Variants in SHISA6 observed in about 807,000 individuals in gnomAD.
The protein encoded by SHISA6 is protein shisa-6.
In SHISA6, 22 loss-of-function variants were observed where a neutral mutation model predicts 47.9. That is an observed-to-expected ratio of 0.46 (90% CI 0.33 to 0.66). The LOEUF is 0.66. Among genes scored for constraint, SHISA6 ranks in the 30% least tolerant of loss-of-function variants. The pLI, the probability that SHISA6 is intolerant of heterozygous loss-of-function variation, is 0.02. For synonymous variants in SHISA6, 388 were observed against 337.8 expected (o/e 1.15, Z -1.63); for missense variants, 680 against 764.6 (o/e 0.89, Z 1.30).
chr17:11,279,172 G>C (rs577545991), intron 2 of SHISA6, among the ~76,000 whole-genome samples: 1 of 152,236 alleles, frequency 6.6e-6, no homozygotes, highest in East Asian at 1.9e-4. Context: ...GGGCTTGCAG[G>C]TCTTCCTCGG....
At chr17:11,344,468 T>G (rs1319512199) in intron 2 of SHISA6, among the ~76,000 whole-genome samples, 1 of 152,184 alleles carries the variant, frequency 6.6e-6, no homozygotes, top group African/African-American at 2.4e-5. Context: ...GCTTTTATAT[T>G]TTGATTTATG....
intron 2 of SHISA6, among the ~76,000 whole-genome samples, chr17:11,320,187 A>C (rs1910662849): frequency 6.6e-6 from 1 of 152,280 alleles, no homozygotes; most frequent in Admixed American, 6.5e-5. Flanking sequence ...CATAGTGAAG[A>C]AAACTATTCT....
intron 2 of SHISA6, among the ~76,000 whole-genome samples, chr17:11,270,457 A>G (rs1908597111): frequency 6.6e-6 from 1 of 152,200 alleles, no homozygotes; most frequent in Non-Finnish European, 1.5e-5. Context: ...AAGACAAACC[A>G]AAGACCAAAT....
At chr17:11,438,524 T>C (rs111845969) in intron 3 of SHISA6, among the ~76,000 whole-genome samples, 5,479 of 152,248 alleles carry the variant, frequency 0.036, 111 homozygotes, top group Middle Eastern at 0.058. Context: ...TCCCCTGGAC[T>C]TTCCTCTGTT....
At chr17:11,272,021 A>G (rs1908688576) in intron 2 of SHISA6, among the ~76,000 whole-genome samples, 1 of 151,818 alleles carries the variant, frequency 6.6e-6, no homozygotes, top group African/African-American at 2.4e-5. Flanking sequence ...CAAAACACTT[A>G]TCTACACCTG....
At chr17:11,321,403 T>A (rs1910714926) in intron 2 of SHISA6, among the ~76,000 whole-genome samples, 1 of 152,188 alleles carries the variant, frequency 6.6e-6, no homozygotes, top group Admixed American at 6.5e-5. Flanking sequence ...GGAATGAGAA[T>A]GAATTCTGGA....
chr17:11,379,069 T>A (rs1378145500), intron 2 of SHISA6, among the ~76,000 whole-genome samples: 1 of 150,832 alleles, frequency 6.6e-6, no homozygotes, highest in Non-Finnish European at 1.5e-5. Context: ...TTCCCAGGAC[T>A]TTGTTCTTTG....
intron 2 of SHISA6, among the ~76,000 whole-genome samples, chr17:11,299,598 G>A (rs970392098): frequency 6.6e-6 from 1 of 152,176 alleles, no homozygotes; most frequent in Non-Finnish European, 1.5e-5. Flanking sequence ...CTCTAGGGGA[G>A]AATCGATTTC....
intron 3 of SHISA6, among the ~76,000 whole-genome samples, chr17:11,461,396 C>CAA (rs778616587): frequency 8.8e-4 from 67 of 75,920 alleles, no homozygotes; most frequent in East Asian, 1.5e-3. Flanking sequence ...GACTCCATCT[C>CAA]AAAAAAAAAA....
intron 2 of SHISA6, among the ~76,000 whole-genome samples, chr17:11,347,147 G>T (rs1213697479): frequency 2.0e-5 from 3 of 151,972 alleles, no homozygotes; most frequent in African/African-American, 7.3e-5. Flanking sequence ...TTAACTGAAG[G>T]TAAGAGGTTG....
At chr17:11,430,963 G>A (rs1914755570) in intron 3 of SHISA6, among the ~76,000 whole-genome samples, 1 of 152,228 alleles carries the variant, frequency 6.6e-6, no homozygotes, top group Non-Finnish European at 1.5e-5. Flanking sequence ...AGGAGCCTTT[G>A]TGGCTGGAAT....
At chr17:11,365,757 A>G (rs116873053) in intron 2 of SHISA6, among the ~76,000 whole-genome samples, 1 of 152,204 alleles carries the variant, frequency 6.6e-6, no homozygotes, top group Non-Finnish European at 1.5e-5. Context: ...AAGCTTTAAG[A>G]AGGGAGATGG....
chr17:11,381,554 G>C (rs1474649030), intron 3 of SHISA6, among the ~76,000 whole-genome samples: 2 of 152,204 alleles, frequency 1.3e-5, no homozygotes, highest in Non-Finnish European at 1.5e-5. Flanking sequence ...GTAGAAAGGA[G>C]GCCAGTCTGA....
intron 2 of SHISA6, among the ~76,000 whole-genome samples, chr17:11,301,551 G>A (rs1909929960): frequency 6.6e-6 from 1 of 152,170 alleles, no homozygotes; most frequent in Non-Finnish European, 1.5e-5. Flanking sequence ...GTCACACCGT[G>A]CATGAATGAG....
Position 11,557,996 on chromosome 17 carries a change from G to C in SHISA6, c.1348G>C (p.Glu450Gln). The part of the protein sequence containing the change: ...ILSDEQLLST[E>Q]RLHSQDPLLS... ...GTCCGACGAGCAGCTGCTCTCCACG[G>C]AGCGCCTGCACTCCCAGGACCCGCT... Residue 450 changes from glutamate to glutamine, a missense_variant, in exon 6 of 6, where the codon GAG becomes CAG. Transcript: ENST00000441885. 2 of 1,551,416 alleles carry C rather than the reference G, an allele frequency of 1.3e-6. No homozygotes were observed.
intron 3 of SHISA6, among the ~76,000 whole-genome samples, chr17:11,431,274 C>T (rs1403481135): frequency 6.6e-6 from 1 of 152,126 alleles, no homozygotes; most frequent in East Asian, 1.9e-4. Flanking sequence ...TGGATACAGT[C>T]CCCTTGGTAG....
At chr17:11,527,247 C>T (rs535317950) in intron 3 of SHISA6, among the ~76,000 whole-genome samples, 28 of 152,202 alleles carry the variant, frequency 1.8e-4, no homozygotes, top group African/African-American at 6.5e-4. Flanking sequence ...AATATGTACT[C>T]CTGCCCCGTG....
At chr17:11,545,734 C>A (rs1451999532) in intron 3 of SHISA6, among the ~76,000 whole-genome samples, 1 of 152,196 alleles carries the variant, frequency 6.6e-6, no homozygotes, top group African/African-American at 2.4e-5. Flanking sequence ...TGGGTCAGAA[C>A]TATCTGAAGT....
intron 3 of SHISA6, among the ~76,000 whole-genome samples, chr17:11,511,423 C>T (rs1189094976): frequency 6.6e-6 from 1 of 152,044 alleles, no homozygotes; most frequent in Non-Finnish European, 1.5e-5. Flanking sequence ...TGCACATTCT[C>T]CACATGTATC....
Sources: gnomAD v4.1 joint callset for allele counts (sites outside exome capture counted in the v4.1 genomes callset) on GRCh38, gnomAD v4.1.1 for gene constraint, MANE v1.5 for transcripts, NCBI Gene and HGNC (gene_info 2026-07-23, HGNC 2026-07-21) for gene names.